The following PSMD3 variants were observed in gnomAD, a reference collection of about 807,000 sequenced individuals.
The protein encoded by PSMD3 is proteasome 26S subunit, non-ATPase 3.
Under a neutral mutation model 62.8 loss-of-function variants are expected in PSMD3, and 5 were observed. That is an observed-to-expected ratio of 0.08 (90% CI 0.04 to 0.17). The LOEUF (loss-of-function observed/expected upper bound fraction) is 0.17, where lower values mean the gene tolerates loss of function less well. PSMD3 is among the 10% of genes least tolerant of loss of function. The probability of loss-of-function intolerance (pLI) is 1.00; values close to 1 mark genes in which losing one functional copy is unlikely to be tolerated. For synonymous variants in PSMD3, 265 were observed against 283.9 expected, an observed-to-expected ratio of 0.93 and a Z score of 0.67; for missense variants, 524 against 713.6, an observed-to-expected ratio of 0.73 and a Z score of 3.03.
chr17:39,981,728 C>T (rs1401467940), intron 1 of PSMD3, among the ~76,000 whole-genome samples: 1 of 152,248 alleles, frequency 6.6e-6, no homozygotes, highest in East Asian at 1.9e-4. Flanking sequence ...AGTGTCCCAA[C>T]AGTCCCCTTG....
intron 6 of PSMD3, chr17:39,994,022 CCA>C (rs1446901548): frequency 6.6e-6 from 1 of 152,332 alleles, no homozygotes; most frequent in African/African-American, 2.4e-5. Context: ...CCCCAGGCAC[CCA>C]CACTTTTCTG....
At chr17:39,985,093 T>C (rs1020602254) in intron 2 of PSMD3, among the ~76,000 whole-genome samples, 1 of 152,076 alleles carries the variant, frequency 6.6e-6, no homozygotes, top group African/African-American at 2.4e-5. Context: ...CCAGGCATGG[T>C]GGCACCTGCC....
intron 6 of PSMD3, chr17:39,993,230 G>A (rs1980702128): frequency 6.6e-6 from 1 of 152,162 alleles, no homozygotes; most frequent in South Asian, 2.1e-4. Flanking sequence ...AAGGACAATA[G>A]TCATGTAGGA....
At chr17:39,997,287 T>C in intron 10 of PSMD3, 43 bp from the exon 11 acceptor site, 1 of 1,603,904 alleles carries the variant, frequency 6.2e-7, no homozygotes, top group African/African-American at 1.3e-5. Flanking sequence ...GTGCCTCACC[T>C]GCTTCCTTCC....
chr17:39,996,117 T>C lies in PSMD3; in HGVS notation c.1321-66T>C. 1 of 1,546,820 alleles carries C rather than the reference T, an allele frequency of 6.5e-7. No individual in the cohort carries two copies. The highest frequency in any genetic ancestry group is 2.3e-5 in the East Asian group (1 of 43,506). On this transcript the variant is annotated intron_variant, in intron 9 of 11. Transcript: ENST00000264639. This position sits in a 1 kb window ranked among gnomAD's most constrained non-coding sequence, Gnocchi z 5.1. Reference sequence around the variant, plus strand: ...GCCTGGGTGACAGAGCGAGACTCCATCTCAAAAAAAAAAAAAAAGAAGAAG... The same window carrying C: ...GCCTGGGTGACAGAGCGAGACTCCACCTCAAAAAAAAAAAAAAAGAAGAAG...
rs758424249 is a variant in PSMD3 at position 39,986,575 on chromosome 17, C to G, written c.412C>G (p.Pro138Ala). The change falls in exon 3 of 12, where the codon CCC (proline) becomes GCC (alanine). Residue 138 changes from proline (P) to alanine (A), a missense_variant and splice_region_variant. Around this residue, in one of 4 missense-constraint regions of PSMD3, gnomAD observed 396 missense variants for 475.8 expected, o/e 0.83. Coordinates refer to ENST00000264639, the MANE Select transcript of PSMD3 (RefSeq NM_002809.4). The stretch of plus-strand genomic sequence containing the variant: ...CATGGTAACTTCTGTCCTCTCCTAG[C>G]CCATGGACACAGAGGCTGATTTACA... ...RDFLLPFLEE[P>A]MDTEADLQFR... is the part of the protein sequence containing the mutation. 5.6e-6 allele frequency: 9 copies of G among 1,614,058 alleles called. No individual in the cohort carries two copies. Among genetic ancestry groups the G allele is most frequent in the Middle Eastern group, 1.6e-4 (1 of 6,084 alleles).
At position 39,996,102 on chromosome 17, in the gene PSMD3, CAG is replaced by C. The variant is rs1332452151; in HGVS notation, c.1321-78_1321-77del. On this transcript the variant is annotated intron_variant, in intron 9 of 11. Coordinates refer to ENST00000264639, the MANE Select transcript of PSMD3 (RefSeq NM_002809.4). The surrounding 1 kb of genome is among the most constrained non-coding windows in gnomAD (Gnocchi z 5.1). ...CCACCGCACTCTCCTGCCTGGGTGA[CAG>C]AGCGAGACTCCATCTCAAAAAAAAA... 5.8e-6 allele frequency: 9 copies of C among 1,543,156 alleles called. No homozygotes were observed. Among genetic ancestry groups the C allele is most frequent in the Non-Finnish European group, 8.0e-6 (9 of 1,128,592 alleles).
In PSMD3 at chr17:39,986,700, G is replaced by C; in HGVS notation, c.537G>C (p.Lys179Asn). ...LLVVIFMMNS[K>N]RYKEAQKISD... is the part of the protein sequence containing the mutation. ...TGGTCATCTTCATGATGAACAGCAA[G>C]CGCTACAAAGAGGTATCCAGGATGC... is the stretch of plus-strand genomic sequence containing the variant. Residue 179 changes from lysine (K) to asparagine (N), a missense_variant, in exon 3 of 12, where the codon AAG (lysine) becomes AAC (asparagine). Physicochemically the swap from Lys to Asn is moderately conservative, Grantham distance 94 (BLOSUM62 0). This residue lies in a region of PSMD3 where 396 missense variants were observed against 475.8 expected (regional missense o/e 0.83). Transcript: ENST00000264639. 2 of 1,614,148 alleles carry C rather than the reference G, an allele frequency of 1.2e-6. No individual in the cohort carries two copies. Among genetic ancestry groups the C allele is most frequent in the East Asian group, 4.5e-5 (2 of 44,882 alleles).
chr17:39,996,280 A>T lies in PSMD3; in HGVS notation c.1418A>T (p.Gln473Leu). ...GACATCTATTCCACCCGAGAGCCCC[A>T]GCTAGCCTTCCACCAGCGCATCTCC... is the stretch of plus-strand genomic sequence containing the variant. ...MIDIYSTREP[Q>L]LAFHQRISFC... Residue 473 changes from glutamine (Q) to leucine (L), a missense_variant, in exon 10 of 12, where the codon CAG (glutamine) becomes CTG (leucine). Transcript: ENST00000264639. This position sits in a 1 kb window ranked among gnomAD's most constrained non-coding sequence, Gnocchi z 5.1. The T allele has an allele frequency of 6.2e-7, 1 of 1,613,976 alleles. No individual in the cohort carries two copies. Among genetic ancestry groups the T allele is most frequent in the Non-Finnish European group, 8.5e-7 (1 of 1,179,986 alleles).
Position 39,988,748 on chromosome 17 carries a change from T to G in PSMD3, c.615T>G (p.Leu205=). The change falls in exon 4 of 12, where the codon CTT becomes CTG. Residue 205 remains leucine, a synonymous_variant. Transcript: ENST00000264639. ...CTCAGAACCGCCGGGCCCTAGACCT[T>G]GTAGCCGCAAAGTGTTACTATTATC... ...ISTQNRRALD[L]VAAKCYYYHA... is the part of the protein sequence containing the mutation. The G allele has an allele frequency of 4.3e-6, 7 of 1,614,146 alleles. No homozygotes were observed. The highest frequency in any genetic ancestry group is 5.9e-6 in the Non-Finnish European group (7 of 1,180,016).
In PSMD3 at chr17:39,997,772, C is replaced by A; in HGVS notation, c.*191C>A. The A allele has an allele frequency of 1.5e-6, 1 of 669,046 alleles. No homozygotes were observed. The highest frequency in any genetic ancestry group is 2.5e-6 in the Non-Finnish European group (1 of 394,384). 41.4% of individuals were successfully genotyped at this position (669,046 alleles called of 1,614,324 possible). ...CCTCCCCAGCCGGTGACTTACTGTA[C>A]AGCAGGCAGGAGGGTGGGCAGGCAA... is the stretch of plus-strand genomic sequence containing the variant. On this transcript the variant is annotated 3_prime_UTR_variant, in exon 12 of 12. Coordinates refer to ENST00000264639, the MANE Select transcript of PSMD3 (RefSeq NM_002809.4).
intron 1 of PSMD3, among the ~76,000 whole-genome samples, chr17:39,983,331 C>T (rs775523270): frequency 1.3e-5 from 2 of 152,244 alleles, no homozygotes; most frequent in African/African-American, 2.4e-5. Flanking sequence ...TGTGCCCCAC[C>T]TATAATTTTT....
chr17:39,991,068 T>G (rs1025470314), intron 6 of PSMD3, among the ~76,000 whole-genome samples: 1 of 152,190 alleles, frequency 6.6e-6, no homozygotes, highest in Admixed American at 6.5e-5. Flanking sequence ...AACCTCTGCC[T>G]CCCGAGTTCA....
At position 39,988,668 on chromosome 17, in the gene PSMD3, T is replaced by C. The variant is rs1980582404; in HGVS notation, c.550-15T>C. ...GAGGAACTGCCACTTGATTCTCTTT[T>C]GGCTTCCTCCCCAGGCACAGAAGAT... On this transcript the variant is annotated splice_polypyrimidine_tract_variant and intron_variant, in intron 3 of 11. Transcript: ENST00000264639. 6.2e-7 allele frequency: 1 copy of C among 1,613,770 alleles called. No individual in the cohort carries two copies. The highest frequency in any genetic ancestry group is 1.3e-5 in the African/African-American group (1 of 74,926).
chr17:39,980,964 G>A lies in PSMD3; in HGVS notation c.-7G>A, dbSNP rs750777682. 2 of 1,528,602 alleles carry A rather than the reference G, an allele frequency of 1.3e-6. No individual in the cohort carries two copies. Among genetic ancestry groups the A allele is most frequent in the East Asian group, 2.4e-5 (1 of 42,090 alleles). 94.7% of individuals were successfully genotyped at this position (1,528,602 alleles called of 1,614,324 possible). On this transcript the variant is annotated 5_prime_UTR_variant, in exon 1 of 12. Coordinates refer to ENST00000264639, the MANE Select transcript of PSMD3 (RefSeq NM_002809.4). ...GGTCCCCGGACTAGGCCGTGACCCCGGGTGCCATGAAGCAGGAGGGCTCGG... is the reference window on the plus strand; with the variant it reads ...GGTCCCCGGACTAGGCCGTGACCCCAGGTGCCATGAAGCAGGAGGGCTCGG...
chr17:39,996,226 A>G lies in PSMD3; in HGVS notation c.1364A>G (p.Lys455Arg), dbSNP rs2144817775. 6.2e-7 allele frequency: 1 copy of G among 1,614,052 alleles called. No individual in the cohort carries two copies. Among genetic ancestry groups the G allele is most frequent in the East Asian group, 2.2e-5 (1 of 44,882 alleles). ...GVIEASINHE[K>R]GYVQSKEMID... is the part of the protein sequence containing the mutation. ...ATTGAGGCCAGCATCAACCACGAGA[A>G]GGGCTATGTCCAATCCAAGGAGATG... Residue 455 changes from lysine (K) to arginine (R), a missense_variant, in exon 10 of 12, where the codon AAG (lysine) becomes AGG (arginine). By Grantham distance (26) the Lys-to-Arg change is conservative (BLOSUM62 2). Coordinates refer to ENST00000264639, the MANE Select transcript of PSMD3 (RefSeq NM_002809.4). This position sits in a 1 kb window ranked among gnomAD's most constrained non-coding sequence, Gnocchi z 5.1.
At chr17:39,986,757 C>G (rs1451757407) in intron 3 of PSMD3, 45 bp downstream of exon 3, 2 of 1,605,540 alleles carry the variant, frequency 1.2e-6, no homozygotes, top group Admixed American at 1.7e-5. Context: ...CCAAGTGATG[C>G]AAGGGGTTTG....
chr17:39,995,975 C>T lies in PSMD3; in HGVS notation c.1321-208C>T. Reference sequence around the variant, plus strand: ...CTCTACTGAAAATACAAAAATTAGCCAGGCCTGGTGGCAGGTTCCTGTAAT... The same window carrying T: ...CTCTACTGAAAATACAAAAATTAGCTAGGCCTGGTGGCAGGTTCCTGTAAT... On this transcript the variant is annotated intron_variant, in intron 9 of 11. Transcript: ENST00000264639. The surrounding 1 kb of genome is among the most constrained non-coding windows in gnomAD (Gnocchi z 4.1). 1.7e-6 allele frequency: 1 copy of T among 602,748 alleles called. No homozygotes were observed. 37.3% of individuals were successfully genotyped at this position (602,748 alleles called of 1,614,324 possible).
chr17:39,989,729 C>G lies in PSMD3; in HGVS notation c.687-10C>G. ...TTGAAGGCTTTGACATCTTTCTTTC[C>G]TTCTTGAAGCTTCTTGCATGCTCGG... On this transcript the variant is annotated splice_polypyrimidine_tract_variant and intron_variant, in intron 4 of 11. Transcript: ENST00000264639. 6.2e-7 allele frequency: 1 copy of G among 1,607,528 alleles called. No homozygotes were observed. Among genetic ancestry groups the G allele is most frequent in the South Asian group, 1.1e-5 (1 of 90,902 alleles).
Sources: allele counts gnomAD v4.1 joint callset (sites outside exome capture counted in the v4.1 genomes callset), GRCh38; gene constraint gnomAD v4.1.1; regional missense constraint gnomAD v4.1.1; non-coding constraint Gnocchi (gnomAD v3.1); transcripts MANE v1.5; gene names NCBI Gene and HGNC (gene_info 2026-07-23, HGNC 2026-07-21).